Variants in NEGR1 observed in about 807,000 individuals in gnomAD.
The protein encoded by NEGR1 is neuronal growth regulator 1, also known as IgLON family member 4.
Under a neutral mutation model 40.9 loss-of-function variants are expected in NEGR1, and 10 were observed. That is an observed-to-expected ratio of 0.24 (90% CI 0.15 to 0.42). The LOEUF (loss-of-function observed/expected upper bound fraction) is 0.42. Ranked by LOEUF, NEGR1 falls within the 10% of genes least tolerant of loss-of-function variation. NEGR1 has a pLI of 1.00. For missense variants in NEGR1, 352 were observed against 438.9 expected (o/e 0.80, Z 1.77); for synonymous variants, 185 against 166.8 (o/e 1.11, Z -0.84).
chr1:71,691,815 A>C (rs1570215800), intron 4 of NEGR1, among the ~76,000 whole-genome samples: 2 of 150,950 alleles, frequency 1.3e-5, no homozygotes, highest in Admixed American at 1.3e-4. Flanking sequence ...ATTCTGTCCC[A>C]TAACTCTTAT....
rs111451263 is a variant in NEGR1 at position 72,088,582 on chromosome 1, T to C, written c.177-153271A>G. ...GATCTGCCTTAAATAGGAGTTCAAA[T>C]AGGAGTTCAAATTGGTACTCACCAT... On this transcript the variant is annotated intron_variant, in intron 1 of 6. Coordinates refer to ENST00000357731, the MANE Select transcript of NEGR1 (RefSeq NM_173808.3). Among the ~76,000 whole-genome samples, 477 of 152,170 alleles carry C rather than the reference T, an allele frequency of 3.1e-3. 3 individuals carry two copies. The highest frequency in any genetic ancestry group is 0.011 in the African/African-American group (459 of 41,492).
intron 1 of NEGR1, among the ~76,000 whole-genome samples, chr1:72,140,665 T>A (rs562226955): frequency 6.6e-6 from 1 of 152,156 alleles, no homozygotes; most frequent in South Asian, 2.1e-4. Context: ...TTTTCTTTAG[T>A]CAGTTGTTTT....
chr1:71,854,715 CAGAG>C (rs998895294), intron 2 of NEGR1, among the ~76,000 whole-genome samples: 5 of 151,986 alleles, frequency 3.3e-5, no homozygotes, highest in Non-Finnish European at 5.9e-5. Context: ...GGCAGTAGGA[CAGAG>C]AGAGAATCGG....
At chr1:71,876,789 G>A (rs180946396) in intron 2 of NEGR1, among the ~76,000 whole-genome samples, 43 of 152,124 alleles carry the variant, frequency 2.8e-4, no homozygotes, top group African/African-American at 9.6e-4. Flanking sequence ...TCCCATATTA[G>A]GGCATTTGGA....
intron 6 of NEGR1, among the ~76,000 whole-genome samples, chr1:71,494,912 C>A (rs1367936232): frequency 6.6e-6 from 1 of 152,092 alleles, no homozygotes; most frequent in African/African-American, 2.4e-5. Context: ...AAGAGCAAAC[C>A]TTTCTCTTTC....
chr1:71,498,620 A>G lies in NEGR1; in HGVS notation c.941-91050T>C, dbSNP rs141520467. ...GCTTGGCTTTCCTCATCATAAAATTATGGGAATGTAACTCATACAGCTGCT... is the reference window on the plus strand; with the variant it reads ...GCTTGGCTTTCCTCATCATAAAATTGTGGGAATGTAACTCATACAGCTGCT... On this transcript the variant is annotated intron_variant, in intron 6 of 6. Coordinates refer to ENST00000357731, the MANE Select transcript of NEGR1 (RefSeq NM_173808.3). Among the ~76,000 whole-genome samples, 11 of 152,258 alleles carry G rather than the reference A, an allele frequency of 7.2e-5. No individual in the cohort carries two copies. The East Asian group carries it at 1.9e-3, about 27-fold the overall frequency.
At chr1:71,783,367 G>T (rs1656787656) in intron 2 of NEGR1, among the ~76,000 whole-genome samples, 2 of 152,114 alleles carry the variant, frequency 1.3e-5, no homozygotes, top group African/African-American at 4.8e-5. Flanking sequence ...ACTGAGATAA[G>T]AAATTGTTTC....
chr1:71,443,889 C>G (rs1351362987), intron 6 of NEGR1, among the ~76,000 whole-genome samples: 1 of 152,198 alleles, frequency 6.6e-6, no homozygotes, highest in African/African-American at 2.4e-5. Context: ...TTAGCACTTT[C>G]AACTGCATCA....
intron 2 of NEGR1, among the ~76,000 whole-genome samples, chr1:71,801,334 TG>T (rs1189543306): frequency 6.6e-6 from 1 of 152,192 alleles, no homozygotes; most frequent in Non-Finnish European, 1.5e-5. Flanking sequence ...TCACATTTTA[TG>T]GTTTGAAATA....
chr1:72,034,307 TC>T (rs541099590), intron 1 of NEGR1, among the ~76,000 whole-genome samples: 13 of 152,340 alleles, frequency 8.5e-5, no homozygotes, highest in African/African-American at 2.6e-4. Flanking sequence ...CAGAAGGGGT[TC>T]CATTGTGCAT....
intron 1 of NEGR1, among the ~76,000 whole-genome samples, chr1:72,190,887 T>C (rs17092447): frequency 0.017 from 2,561 of 151,778 alleles, 83 homozygotes; most frequent in African/African-American, 0.059. Context: ...CTATGTAATG[T>C]TGAAAGAACT....
At chr1:71,581,122 T>C (rs903974077) in intron 6 of NEGR1, among the ~76,000 whole-genome samples, 2 of 152,176 alleles carry the variant, frequency 1.3e-5, no homozygotes, top group Non-Finnish European at 2.9e-5. Context: ...TCCCTGTGTC[T>C]GTATTGTAGA....
intron 3 of NEGR1, among the ~76,000 whole-genome samples, chr1:71,734,444 C>T (rs1654984364): frequency 6.6e-6 from 1 of 152,086 alleles, no homozygotes; most frequent in African/African-American, 2.4e-5. Context: ...GACAAAAATA[C>T]TGCCTAGCAT....
intron 3 of NEGR1, among the ~76,000 whole-genome samples, chr1:71,732,400 A>G (rs1654905337): frequency 6.6e-6 from 1 of 152,154 alleles, no homozygotes; most frequent in Non-Finnish European, 1.5e-5. Context: ...TTGATTTTCT[A>G]TCATGGACCC....
intron 2 of NEGR1, among the ~76,000 whole-genome samples, chr1:71,910,405 G>T (rs1401292181): frequency 6.6e-6 from 1 of 152,176 alleles, no homozygotes; most frequent in Non-Finnish European, 1.5e-5. Flanking sequence ...AACCCTCAAA[G>T]ACAGACGTGA....
At chr1:71,903,774 C>T (rs1022701543) in intron 2 of NEGR1, among the ~76,000 whole-genome samples, 1 of 151,720 alleles carries the variant, frequency 6.6e-6, no homozygotes, top group East Asian at 1.9e-4. Context: ...CTTATTACTA[C>T]AGCTATATCT....
chr1:71,631,529 G>C (rs1650968647), intron 4 of NEGR1, among the ~76,000 whole-genome samples: 1 of 151,720 alleles, frequency 6.6e-6, no homozygotes, highest in African/African-American at 2.4e-5. Flanking sequence ...TTGGCAAGTT[G>C]TTTATATTAA....
In NEGR1 at chr1:71,435,319, G is replaced by A. The variant is rs368389784; in HGVS notation, c.941-27749C>T. On this transcript the variant is annotated intron_variant, in intron 6 of 6. Coordinates refer to ENST00000357731, the MANE Select transcript of NEGR1 (RefSeq NM_173808.3). ...TGACAATTGGCAAAAGGAAGGTGAA[G>A]GATCTAAACCTAGAGGACTTAATGC... Among the ~76,000 whole-genome samples, 24 of 152,218 alleles carry A rather than the reference G, an allele frequency of 1.6e-4. 1 individual carries two copies. In the East Asian group the frequency reaches 2.9e-3, roughly 18 times the overall value.
At chr1:72,203,764 A>G (rs1009769770) in intron 1 of NEGR1, among the ~76,000 whole-genome samples, 2 of 152,064 alleles carry the variant, frequency 1.3e-5, no homozygotes, top group Admixed American at 6.6e-5. Flanking sequence ...TTCCCCAGCC[A>G]TTTCTATATT....
Sources: gnomAD v4.1 joint callset for allele counts (sites outside exome capture counted in the v4.1 genomes callset) on GRCh38, gnomAD v4.1.1 for gene constraint, MANE v1.5 for transcripts, NCBI Gene and HGNC (gene_info 2026-07-23, HGNC 2026-07-21) for gene names.